The following NOL4 variants were observed in gnomAD, a reference collection of about 807,000 sequenced individuals.
NOL4 encodes the protein cancer/testis antigen 125.
NOL4 carries 17 observed loss-of-function variants against 75.9 expected under a neutral mutation model. The ratio of observed to expected loss-of-function variants is 0.22; its 90% CI spans 0.15 to 0.34. The LOEUF (loss-of-function observed/expected upper bound fraction) is 0.34, where lower values mean the gene tolerates loss of function less well. Ranked by LOEUF, NOL4 falls within the 10% of genes least tolerant of loss-of-function variation. The probability of loss-of-function intolerance (pLI) is 1.00; values close to 1 mark genes in which losing one functional copy is unlikely to be tolerated. For synonymous variants in NOL4, 292 were observed against 289.9 expected, an observed-to-expected ratio of 1.01 and a Z score of -0.07; for missense variants, 614 against 793.5, an observed-to-expected ratio of 0.77 and a Z score of 2.72.
chr18:34,217,814 T>C (rs543743493), intron 1 of NOL4, among the ~76,000 whole-genome samples: 16 of 152,200 alleles, frequency 1.1e-4, no homozygotes, highest in Admixed American at 9.8e-4. Flanking sequence ...TGTTAGTATA[T>C]ATTATATACA....
intron 10 of NOL4, among the ~76,000 whole-genome samples, chr18:33,877,917 C>T (rs1048907674): frequency 1.3e-5 from 2 of 151,676 alleles, no homozygotes; most frequent in African/African-American, 2.4e-5. Context: ...TATACTTCAT[C>T]TAGACTTGGA....
At chr18:33,882,669 C>G (rs2064367297) in intron 10 of NOL4, among the ~76,000 whole-genome samples, 1 of 151,222 alleles carries the variant, frequency 6.6e-6, no homozygotes, top group African/African-American at 2.4e-5. Flanking sequence ...GGATCTAGAA[C>G]TGGAAATACC....
intron 6 of NOL4, among the ~76,000 whole-genome samples, chr18:34,003,255 A>C (rs1482625184): frequency 6.6e-6 from 1 of 151,980 alleles, no homozygotes. Context: ...GAGTATCTTT[A>C]TTATTGTATG....
chr18:34,056,582 G>C (rs2076842727), intron 5 of NOL4, among the ~76,000 whole-genome samples: 1 of 152,094 alleles, frequency 6.6e-6, no homozygotes, highest in African/African-American at 2.4e-5. Context: ...CAATACTTCA[G>C]GAAGCCCCTA....
At chr18:34,012,759 C>G (rs1331795052) in intron 6 of NOL4, among the ~76,000 whole-genome samples, 1 of 151,898 alleles carries the variant, frequency 6.6e-6, no homozygotes, top group African/African-American at 2.4e-5. Flanking sequence ...ACATCAAAAG[C>G]AAAACTAATA....
chr18:34,196,309 G>A (rs2146445268), intron 1 of NOL4, among the ~76,000 whole-genome samples: 1 of 152,156 alleles, frequency 6.6e-6, no homozygotes, highest in Middle Eastern at 3.4e-3. Context: ...CTATCATCTT[G>A]TTTTACTCAA....
intron 6 of NOL4, among the ~76,000 whole-genome samples, chr18:33,988,849 T>G (rs1469760979): frequency 2.6e-5 from 4 of 151,970 alleles, no homozygotes; most frequent in African/African-American, 7.2e-5. Flanking sequence ...CTGCGGGCAA[T>G]GGAACCAAGT....
chr18:33,970,782 G>A (rs554795028), intron 6 of NOL4, among the ~76,000 whole-genome samples: 1 of 151,868 alleles, frequency 6.6e-6, no homozygotes. Flanking sequence ...TGGCAACTTT[G>A]TATGTTATTT....
intron 4 of NOL4, among the ~76,000 whole-genome samples, chr18:34,095,600 C>G (rs1210797231): frequency 6.6e-6 from 1 of 152,074 alleles, no homozygotes; most frequent in Non-Finnish European, 1.5e-5. Flanking sequence ...TTGTGCTGCT[C>G]TCACAGAGTC....
chr18:33,935,359 A>T (rs1022770089), intron 9 of NOL4, among the ~76,000 whole-genome samples: 8 of 152,128 alleles, frequency 5.3e-5, no homozygotes, highest in African/African-American at 1.9e-4. Context: ...CTTAGAAGCC[A>T]TCATAGCATT....
chr18:34,128,902 T>C, intron 2 of NOL4: 1 of 963,408 alleles, frequency 1.0e-6, no homozygotes, highest in Non-Finnish European at 1.2e-6. Context: ...GAAAAAAAAA[T>C]GGATCCAGAC....
intron 2 of NOL4, 24 bp downstream of exon 2, chr18:34,129,847 T>TC: frequency 1.4e-6 from 2 of 1,382,420 alleles, no homozygotes; most frequent in Non-Finnish European, 1.9e-6. Flanking sequence ...ATGCATGCTC[T>TC]TTTTTTTTTC....
intron 6 of NOL4, among the ~76,000 whole-genome samples, chr18:33,985,924 T>C (rs1222419923): frequency 6.6e-6 from 1 of 152,068 alleles, no homozygotes; most frequent in African/African-American, 2.4e-5. Flanking sequence ...ATTTTACAGA[T>C]GAAGAAATTG....
chr18:34,015,899 C>T (rs1258670186), intron 6 of NOL4, among the ~76,000 whole-genome samples: 1 of 152,090 alleles, frequency 6.6e-6, no homozygotes, highest in East Asian at 1.9e-4. Flanking sequence ...TTCCTCTATG[C>T]TTTGCTTTCC....
intron 2 of NOL4, 126 bp downstream of exon 2, chr18:34,129,745 A>G (rs777217763): frequency 2.5e-6 from 2 of 799,642 alleles, no homozygotes; most frequent in Non-Finnish European, 3.6e-6. Context: ...AATGTTGGGC[A>G]TGACCATCAT....
At chr18:34,136,731 A>G (rs571019196) in intron 1 of NOL4, among the ~76,000 whole-genome samples, 2 of 152,286 alleles carry the variant, frequency 1.3e-5, no homozygotes, top group African/African-American at 2.4e-5. Context: ...ATAGACTAGA[A>G]GACAATATAA....
At position 33,931,792 on chromosome 18, in the gene NOL4, G is replaced by A. The variant is rs529292276; in HGVS notation, c.1542+11273C>T. Among the ~76,000 whole-genome samples the A allele has an allele frequency of 3.3e-5, 5 of 152,024 alleles. No homozygotes were observed. In the South Asian group the frequency reaches 8.3e-4, roughly 25 times the overall value. On this transcript the variant is annotated intron_variant, in intron 9 of 10. Transcript: ENST00000261592. ...AAAGTTTTGCAGATATCAGTTAAAA[G>A]CCTTTTTAGAATTTTCTGAGCCTAA...
chr18:33,891,363 C>T (rs140862167), intron 9 of NOL4, among the ~76,000 whole-genome samples: 29 of 152,208 alleles, frequency 1.9e-4, no homozygotes, highest in Admixed American at 3.9e-4. Flanking sequence ...CTGCTTTCTT[C>T]TATTTTACAC....
At chr18:34,165,408 G>A (rs12964002) in intron 1 of NOL4, among the ~76,000 whole-genome samples, 28,630 of 151,986 alleles carry the variant, frequency 0.19, 2,909 homozygotes, top group Middle Eastern at 0.23. Context: ...TAGTCTTCTG[G>A]ACTGGTTCTT....
Sources: gnomAD v4.1 joint callset for allele counts (sites outside exome capture counted in the v4.1 genomes callset) on GRCh38, gnomAD v4.1.1 for gene constraint, MANE v1.5 for transcripts, NCBI Gene and HGNC (gene_info 2026-07-23, HGNC 2026-07-21) for gene names.